Variants in NECTIN2 observed in about 807,000 individuals in gnomAD.
NECTIN2 encodes nectin-2.
In NECTIN2, 23 loss-of-function variants were observed where a neutral mutation model predicts 56.9. That is an observed-to-expected ratio of 0.40 (90% CI 0.29 to 0.57). The LOEUF is 0.57. Ranked by LOEUF, NECTIN2 falls within the 20% of genes least tolerant of loss-of-function variation. The probability of loss-of-function intolerance (pLI) is 0.38; values close to 1 mark genes in which losing one functional copy is unlikely to be tolerated. For missense variants in NECTIN2, 587 were observed against 718.3 expected, an observed-to-expected ratio of 0.82 and a Z score of 2.09; for synonymous variants, 302 against 313.8, an observed-to-expected ratio of 0.96 and a Z score of 0.40.
At chr19:44,876,441 AC>A (rs1209506187) in intron 5 of NECTIN2, among the ~76,000 whole-genome samples, 1 of 152,172 alleles carries the variant, frequency 6.6e-6, no homozygotes, top group Non-Finnish European at 1.5e-5. Context: ...GACAGTGGCC[AC>A]AGGGCCACCC....
intron 5 of NECTIN2, among the ~76,000 whole-genome samples, chr19:44,881,489 C>A (rs1316105998): frequency 2.9e-5 from 4 of 139,392 alleles, no homozygotes; most frequent in Non-Finnish European, 4.6e-5. Flanking sequence ...CCAGCCTGGG[C>A]AACATGGCAA....
intron 2 of NECTIN2, among the ~76,000 whole-genome samples, chr19:44,869,916 G>A (rs1202276669): frequency 1.3e-5 from 2 of 151,980 alleles, no homozygotes; most frequent in Non-Finnish European, 2.9e-5. Flanking sequence ...CCACTGCACT[G>A]CATCCTGGGT....
chr19:44,848,861 C>T lies in NECTIN2; in HGVS notation c.88+2248C>T, dbSNP rs1968868171. Among the ~76,000 whole-genome samples the T allele has an allele frequency of 2.0e-5, 3 of 152,144 alleles. No individual in the cohort carries two copies. The South Asian group carries it at 6.2e-4, about 31-fold the overall frequency. ...CTGTCTAGCTCCACTGCCTCCCCCG[C>T]TTGGCCTCCTCGGGGAATGCGGGTG... On this transcript the variant is annotated intron_variant, in intron 1 of 8. Transcript: ENST00000252483.
At chr19:44,864,244 G>GC (rs1969069597) in intron 1 of NECTIN2, among the ~76,000 whole-genome samples, 2 of 152,134 alleles carry the variant, frequency 1.3e-5, no homozygotes, top group Non-Finnish European at 2.9e-5. Context: ...CTTGAACCTG[G>GC]GAGGTCAAGG....
rs570638410 is a variant in NECTIN2, at chr19:44,885,140, G to T, written c.1197-797G>T. 4.0e-5 allele frequency among the ~76,000 whole-genome samples: 6 copies of T among 151,780 alleles called. No individual in the cohort carries two copies. The East Asian group carries it at 1.2e-3, about 29-fold the overall frequency. On this transcript the variant is annotated intron_variant, in intron 6 of 8. Coordinates refer to ENST00000252483, the MANE Select transcript of NECTIN2 (RefSeq NM_001042724.2). ...GCCTCCTGAGTAGCTGGGATTACAG[G>T]CATGCGCCACCACGCCCGGCTAATT... is the stretch of plus-strand genomic sequence containing the variant.
rs1969206143 is a variant in NECTIN2 at position 44,873,940 on chromosome 19, G to A, written c.800G>A (p.Gly267Asp). The change falls in exon 4 of 9, where the codon GGC (glycine) becomes GAC (aspartate). Residue 267 changes from glycine to aspartate, a missense_variant. Physicochemically the swap from Gly to Asp is moderately conservative, Grantham distance 94 (BLOSUM62 -1). Transcript: ENST00000252483. ...VRYPPEVSIS[G>D]YDDNWYLGRT... ...GACCCTCCTGAAGTGTCCATCTCCGGCTATGATGACAACTGGTACCTCGGC... is the reference window on the plus strand; with the variant it reads ...GACCCTCCTGAAGTGTCCATCTCCGACTATGATGACAACTGGTACCTCGGC... 2.5e-6 allele frequency: 4 copies of A among 1,613,860 alleles called. No individual in the cohort carries two copies. The highest frequency in any genetic ancestry group is 1.3e-5 in the African/African-American group (1 of 74,888).
rs1969210528 is a variant in NECTIN2, at chr19:44,874,241, T to TTAGGGTGTATCTTA, written c.894-89_894-88insTAGGGTGTATCTTA. On this transcript the variant is annotated intron_variant, in intron 4 of 8. Transcript: ENST00000252483. This position sits in a 1 kb window ranked among gnomAD's most constrained non-coding sequence, Gnocchi z 6.3. ...CGGGAGTACTTAGGTCCCTGGAGCTTGGCTCCTGGTGGGTGTATCTTTAGG... is the reference window on the plus strand; with the variant it reads ...CGGGAGTACTTAGGTCCCTGGAGCTTTAGGGTGTATCTTAGGCTCCTGGTGGGTGTATCTTTAGG... 2 of 1,488,956 alleles carry TTAGGGTGTATCTTA rather than the reference T, an allele frequency of 1.3e-6. No homozygotes were observed. Among genetic ancestry groups the TTAGGGTGTATCTTA allele is most frequent in the African/African-American group, 2.8e-5 (2 of 72,074 alleles). The allele number at this position is 1,488,956 out of a possible 1,614,324, so 92.2% of individuals were successfully genotyped here.
At chr19:44,880,558 G>A in intron 5 of NECTIN2, among the ~76,000 whole-genome samples, 1 of 136,746 alleles carries the variant, frequency 7.3e-6, no homozygotes, top group South Asian at 2.4e-4. Context: ...TACGATCTCG[G>A]CTCACTGCAC....
intron 1 of NECTIN2, among the ~76,000 whole-genome samples, chr19:44,850,133 G>C (rs1470277125): frequency 6.6e-6 from 1 of 152,126 alleles, no homozygotes; most frequent in African/African-American, 2.4e-5. Context: ...CGAGTTCAAG[G>C]CTGCAGTGAG....
At chr19:44,866,115 T>A (rs946588918) in intron 2 of NECTIN2, among the ~76,000 whole-genome samples, 1 of 151,428 alleles carries the variant, frequency 6.6e-6, no homozygotes, top group African/African-American at 2.4e-5. Context: ...GAGGTTGCAG[T>A]GAGCCGAGAT....
chr19:44,873,938 C>T lies in NECTIN2; in HGVS notation c.798C>T (p.Ser266=), dbSNP rs772138030. 20 of 1,613,866 alleles carry T rather than the reference C, an allele frequency of 1.2e-5. No individual in the cohort carries two copies. The highest frequency in any genetic ancestry group is 1.4e-5 in the Non-Finnish European group (17 of 1,179,900). The change falls in exon 4 of 9, where the codon TCC becomes TCT. Residue 266 remains serine, a synonymous_variant. Coordinates refer to ENST00000252483, the MANE Select transcript of NECTIN2 (RefSeq NM_001042724.2). ...CAGACCCTCCTGAAGTGTCCATCTC[C>T]GGCTATGATGACAACTGGTACCTCG... ...SVRYPPEVSI[S]GYDDNWYLGR...
rs202150180 is a variant in NECTIN2 at position 44,888,215 on chromosome 19, C to T, written c.1453C>T (p.Pro485Ser). The T allele has an allele frequency of 7.4e-6, 12 of 1,614,156 alleles. No homozygotes were observed. The highest frequency in any genetic ancestry group is 1.0e-5 in the Non-Finnish European group (12 of 1,180,020). Residue 485 changes from proline (P) to serine (S), a missense_variant, in exon 9 of 9, where the codon CCT (proline) becomes TCT (serine). Transcript: ENST00000252483. ...GSPIPVPPGP[P>S]AVEDVSLDLE... Reference sequence around the variant, plus strand: ...CCCCATCCCGGTGCCTCCAGGGCCACCTGCTGTGGAAGACGTTTCCCTGGA... The same window carrying T: ...CCCCATCCCGGTGCCTCCAGGGCCATCTGCTGTGGAAGACGTTTCCCTGGA...
intron 1 of NECTIN2, among the ~76,000 whole-genome samples, chr19:44,858,983 T>A (rs1969001526): frequency 6.6e-6 from 1 of 152,210 alleles, no homozygotes; most frequent in African/African-American, 2.4e-5. Flanking sequence ...TGCTATAATT[T>A]ACTGATGATT....
At chr19:44,850,070 C>T (rs559126422) in intron 1 of NECTIN2, among the ~76,000 whole-genome samples, 5 of 152,300 alleles carry the variant, frequency 3.3e-5, no homozygotes, top group East Asian at 1.9e-4. Context: ...CACATTGGCT[C>T]ATACCAGTAA....
At chr19:44,880,859 G>C (rs406315) in intron 5 of NECTIN2, among the ~76,000 whole-genome samples, 1 of 150,256 alleles carries the variant, frequency 6.7e-6, no homozygotes, top group Non-Finnish European at 1.5e-5. Flanking sequence ...GGCAACCTCC[G>C]CTTCCCAGGT....
chr19:44,870,728 CCTTTTTTTTTTTTTT>C (rs1969164568), intron 2 of NECTIN2, among the ~76,000 whole-genome samples: 1 of 147,982 alleles, frequency 6.8e-6, no homozygotes, highest in Non-Finnish European at 1.5e-5. Flanking sequence ...TTTTTTTTTT[CCTTTTTTTTTTTTTT>C]CTTTTGGAGA....
intron 8 of NECTIN2, among the ~76,000 whole-genome samples, chr19:44,887,519 C>G (rs989597820): frequency 6.6e-6 from 1 of 152,130 alleles, no homozygotes; most frequent in African/African-American, 2.4e-5. Context: ...GTGGCGGGCG[C>G]CTGTAATCCC....
rs150606334 is a variant in NECTIN2 at position 44,866,346 on chromosome 19, G to A, written c.478+686G>A. On this transcript the variant is annotated intron_variant, in intron 2 of 8. Transcript: ENST00000252483. ...CTTGAGACCAGGAATTTGAGGCTGC[G>A]GTGAGCTGTGATCATGCCACTACAC... 4.6e-5 allele frequency among the ~76,000 whole-genome samples: 7 copies of A among 151,762 alleles called. No homozygotes were observed. The East Asian group carries it at 7.8e-4, about 17-fold the overall frequency.
intron 5 of NECTIN2, among the ~76,000 whole-genome samples, chr19:44,881,642 A>G (rs1396663732): frequency 6.6e-6 from 1 of 152,028 alleles, no homozygotes; most frequent in Admixed American, 6.5e-5. Flanking sequence ...GGTGGTGATC[A>G]TGCCACTGCA....
Sources: allele counts gnomAD v4.1 joint callset (sites outside exome capture counted in the v4.1 genomes callset), GRCh38; gene constraint gnomAD v4.1.1; non-coding constraint Gnocchi (gnomAD v3.1); transcripts MANE v1.5; gene names NCBI Gene and HGNC (gene_info 2026-07-23, HGNC 2026-07-21).